ADGRL3: variants seen among roughly 807,000 people sequenced by gnomAD.
ADGRL3 encodes adhesion G protein-coupled receptor L3, also known as calcium-independent alpha-latrotoxin receptor 3.
Under a neutral mutation model 153.5 loss-of-function variants are expected in ADGRL3, and 62 were observed. The observed-to-expected ratio is 0.40, with a 90% CI of 0.33 to 0.50. The LOEUF (loss-of-function observed/expected upper bound fraction) is 0.50, where lower values mean the gene tolerates loss of function less well. ADGRL3 is among the 20% of genes least tolerant of loss of function. ADGRL3 has a pLI of 0.47. For missense variants in ADGRL3, 1,641 were observed against 1,859.4 expected (o/e 0.88, Z 2.16); for synonymous variants, 710 against 672.5 (o/e 1.06, Z -0.86).
At chr4:61,337,180 C>A (rs1319677426) in intron 1 of ADGRL3, among the ~76,000 whole-genome samples, 2 of 152,140 alleles carry the variant, frequency 1.3e-5, no homozygotes, top group African/African-American at 4.8e-5. Flanking sequence ...CTGTAGAATT[C>A]TTAGCTCTGA....
At position 61,768,071 on chromosome 4, in the gene ADGRL3, G is replaced by A. The variant is rs1019758813; in HGVS notation, c.1399+34517G>A. Among the ~76,000 whole-genome samples the A allele has an allele frequency of 4.6e-5, 7 of 152,076 alleles. No homozygotes were observed. In the South Asian group the frequency reaches 1.0e-3, roughly 23 times the overall value. On this transcript the variant is annotated intron_variant, in intron 8 of 26. Coordinates refer to ENST00000683033, the MANE Select transcript of ADGRL3 (RefSeq NM_001387552.1). ...AAGTGTCTCAGGGTTGCTGCCAAAC[G>A]AGCCATGAACTGGGCTGGATTTTTA...
intron 2 of ADGRL3, among the ~76,000 whole-genome samples, chr4:61,488,597 A>G (rs2098223526): frequency 6.6e-6 from 1 of 151,872 alleles, no homozygotes; most frequent in South Asian, 2.1e-4. Flanking sequence ...TCCCAATTTG[A>G]TTCAACTTTT....
intron 4 of ADGRL3, among the ~76,000 whole-genome samples, chr4:61,536,915 G>A (rs1345488066): frequency 6.6e-6 from 1 of 151,930 alleles, no homozygotes; most frequent in Non-Finnish European, 1.5e-5. Flanking sequence ...TATTATTCTT[G>A]TCATAGTGTT....
intron 1 of ADGRL3, among the ~76,000 whole-genome samples, chr4:61,291,806 T>G (rs1394192899): frequency 6.7e-6 from 1 of 148,494 alleles, no homozygotes; most frequent in African/African-American, 2.5e-5. Context: ...AATGGAGACG[T>G]TCTATATGCG....
At chr4:61,695,574 T>A (rs1209661035) in intron 6 of ADGRL3, among the ~76,000 whole-genome samples, 1 of 152,142 alleles carries the variant, frequency 6.6e-6, no homozygotes, top group Non-Finnish European at 1.5e-5. Flanking sequence ...GCCCTAGGAT[T>A]TCAAGAATAG....
chr4:61,787,698 AAT>A (rs1208068719), intron 8 of ADGRL3, among the ~76,000 whole-genome samples: 5 of 152,006 alleles, frequency 3.3e-5, no homozygotes, highest in Admixed American at 2.0e-4. Flanking sequence ...TTATTTCCAA[AAT>A]AGTTTTTCAT....
chr4:61,962,394 T>G lies in ADGRL3; in HGVS notation c.2805+14118T>G, dbSNP rs951014630. ...TCTACTATATAATCCACAAAAAATT[T>G]TCCCAGTTGTCCCAAGAGAGTCATT... is the stretch of plus-strand genomic sequence containing the variant. On this transcript the variant is annotated intron_variant, in intron 17 of 26. Transcript: ENST00000683033. Among the ~76,000 whole-genome samples, 10 of 152,312 alleles carry G rather than the reference T, an allele frequency of 6.6e-5. No individual in the cohort carries two copies. The East Asian group carries it at 1.5e-3, about 24-fold the overall frequency.
chr4:61,485,130 A>T (rs959749376), intron 2 of ADGRL3, among the ~76,000 whole-genome samples: 2 of 152,178 alleles, frequency 1.3e-5, no homozygotes, highest in Admixed American at 6.5e-5. Context: ...ATAATGGGCC[A>T]TTAAGAAAGG....
intron 8 of ADGRL3, among the ~76,000 whole-genome samples, chr4:61,734,694 A>G (rs149751010): frequency 4.1e-4 from 62 of 152,320 alleles, no homozygotes; most frequent in African/African-American, 1.3e-3. Context: ...GTCAAACCAT[A>G]TCAACTAGCC....
At chr4:61,843,139 G>C (rs561308589) in intron 9 of ADGRL3, among the ~76,000 whole-genome samples, 16 of 152,268 alleles carry the variant, frequency 1.1e-4, no homozygotes, top group Admixed American at 6.5e-5. Context: ...GACAGACAGA[G>C]AGACTGATTC....
chr4:61,998,444 T>C (rs1449891463), intron 21 of ADGRL3, among the ~76,000 whole-genome samples, 179 bp downstream of exon 21: 3 of 152,166 alleles, frequency 2.0e-5, no homozygotes, highest in Non-Finnish European at 4.4e-5. Context: ...ATAAGTATAA[T>C]AGAGTTCTGT....
intron 2 of ADGRL3, among the ~76,000 whole-genome samples, chr4:61,441,787 A>G (rs1285628371): frequency 6.6e-6 from 1 of 152,184 alleles, no homozygotes; most frequent in Admixed American, 6.5e-5. Context: ...TTCTGATTTG[A>G]TTGAATATGC....
intron 1 of ADGRL3, among the ~76,000 whole-genome samples, chr4:61,353,375 CATTTTA>C (rs1230257586): frequency 2.0e-5 from 3 of 151,936 alleles, no homozygotes; most frequent in Non-Finnish European, 4.4e-5. Context: ...ATTTTTAAGA[CATTTTA>C]ATTTTAATTT....
rs2092716655 is a variant in ADGRL3, at chr4:61,624,498, GA to G, written c.473+37059del. On this transcript the variant is annotated intron_variant, in intron 5 of 26. Coordinates refer to ENST00000683033, the MANE Select transcript of ADGRL3 (RefSeq NM_001387552.1). The stretch of plus-strand genomic sequence containing the variant: ...AATATTCATTCAGCAAATATTTTAT[GA>G]GTGCCAACTCAAGCCCTTCCCAACC... Among the ~76,000 whole-genome samples the G allele has an allele frequency of 7.2e-5, 11 of 152,202 alleles. No individual in the cohort carries two copies. In the South Asian group the frequency reaches 2.1e-3, roughly 29 times the overall value.
chr4:61,754,865 C>T (rs969785933), intron 8 of ADGRL3, among the ~76,000 whole-genome samples: 54 of 151,822 alleles, frequency 3.6e-4, no homozygotes, highest in Admixed American at 7.9e-4. Flanking sequence ...TGAGAATATG[C>T]GGTGTTTGTT....
At chr4:61,504,204 A>G (rs1202032611) in intron 3 of ADGRL3, among the ~76,000 whole-genome samples, 1 of 152,136 alleles carries the variant, frequency 6.6e-6, no homozygotes, top group Non-Finnish European at 1.5e-5. Context: ...TCTGTTGCCC[A>G]GGCTGGTCTC....
At chr4:61,863,369 C>T (rs1200699112) in intron 9 of ADGRL3, among the ~76,000 whole-genome samples, 1 of 149,268 alleles carries the variant, frequency 6.7e-6, no homozygotes, top group Non-Finnish European at 1.5e-5. Flanking sequence ...TCCCAAGTAG[C>T]TGGGACTACA....
At chr4:62,061,026 G>A (rs748971032) in intron 25 of ADGRL3, among the ~76,000 whole-genome samples, 10 of 151,892 alleles carry the variant, frequency 6.6e-5, no homozygotes, top group Non-Finnish European at 1.3e-4. Flanking sequence ...CTAGAGATCT[G>A]ACAAGTGATA....
chr4:61,730,577 T>G (rs1370450866), intron 6 of ADGRL3, 45 bp from the exon 7 acceptor site: 2 of 455,022 alleles, frequency 4.4e-6, no homozygotes, highest in Non-Finnish European at 8.1e-6. Context: ...ACCATTAATC[T>G]ATTCTCTTTT....
Sources: gnomAD v4.1 joint callset for allele counts (sites outside exome capture counted in the v4.1 genomes callset) on GRCh38, gnomAD v4.1.1 for gene constraint, MANE v1.5 for transcripts, NCBI Gene and HGNC (gene_info 2026-07-23, HGNC 2026-07-21) for gene names.